The following RNF169 variants were observed in gnomAD, a reference collection of about 807,000 sequenced individuals.
RNF169 encodes the protein E3 ubiquitin-protein ligase RNF169.
Under a neutral mutation model 53.9 loss-of-function variants are expected in RNF169, and 24 were observed. The observed-to-expected ratio is 0.45, with a 90% CI of 0.32 to 0.63. The LOEUF is 0.63. RNF169 is among the 20% of genes least tolerant of loss of function. The pLI is 0.04. For synonymous variants in RNF169, 396 were observed against 363.5 expected (o/e 1.09, Z -1.02); for missense variants, 883 against 906.2 (o/e 0.97, Z 0.33).
chr11:74,773,262 T>C (rs2035285098), intron 1 of RNF169, among the ~76,000 whole-genome samples: 1 of 152,186 alleles, frequency 6.6e-6, no homozygotes, highest in African/African-American at 2.4e-5. Context: ...GTGCGATAAA[T>C]GACTTTATTG....
At chr11:74,833,567 C>T (rs898765207) in intron 4 of RNF169, among the ~76,000 whole-genome samples, 11 of 152,048 alleles carry the variant, frequency 7.2e-5, no homozygotes, top group African/African-American at 2.7e-4. Context: ...TTTTGTTGTG[C>T]CCTTTCACTG....
rs2036271845 is a variant in RNF169 at position 74,837,290 on chromosome 11, A to T, written c.*560A>T. 6.5e-6 allele frequency: 1 copy of T among 153,042 alleles called. No individual in the cohort carries two copies. The highest frequency in any genetic ancestry group is 2.4e-5 in the African/African-American group (1 of 41,466). The allele number at this position is 153,042 out of a possible 1,614,324, so 9.5% of individuals were successfully genotyped here. On this transcript the variant is annotated 3_prime_UTR_variant, in exon 6 of 6. Coordinates refer to ENST00000299563, the MANE Select transcript of RNF169 (RefSeq NM_001098638.2). ...TCTGTTTAAAAAATAATATTTGGTG[A>T]ATGCTATATAGTTGACAGAGCACAT... is the stretch of plus-strand genomic sequence containing the variant.
chr11:74,775,018 T>C (rs974613338), intron 1 of RNF169, among the ~76,000 whole-genome samples: 2 of 152,178 alleles, frequency 1.3e-5, no homozygotes, highest in African/African-American at 4.8e-5. Context: ...ATATAACATT[T>C]AGACAATTCT....
rs1336367184 is a variant in RNF169 at position 74,808,581 on chromosome 11, G to A, written c.577-1603G>A. Among the ~76,000 whole-genome samples the A allele has an allele frequency of 8.5e-5, 13 of 152,308 alleles. No individual in the cohort carries two copies. In the East Asian group the frequency reaches 1.9e-3, roughly 23 times the overall value. ...CCTATGGCAGTGTGAATTTAAACACGTTACCTAACACTTAAACCTTAGTTT... is the reference window on the plus strand; with the variant it reads ...CCTATGGCAGTGTGAATTTAAACACATTACCTAACACTTAAACCTTAGTTT... On this transcript the variant is annotated intron_variant, in intron 2 of 5. Transcript: ENST00000299563.
intron 4 of RNF169, chr11:74,830,432 C>T (rs937861230): frequency 6.6e-6 from 1 of 151,946 alleles, no homozygotes; most frequent in African/African-American, 2.4e-5. Flanking sequence ...ATGAAATGTA[C>T]CAGTTCCTAG....
intron 1 of RNF169, among the ~76,000 whole-genome samples, chr11:74,750,762 C>T (rs1026833975): frequency 6.6e-6 from 1 of 151,218 alleles, no homozygotes; most frequent in African/African-American, 2.4e-5. Context: ...CCCACCACCA[C>T]GCCCGGCTTT....
intron 1 of RNF169, among the ~76,000 whole-genome samples, chr11:74,769,820 A>G (rs1436457828): frequency 6.6e-6 from 1 of 152,164 alleles, no homozygotes; most frequent in African/African-American, 2.4e-5. Flanking sequence ...CCCCCCAACA[A>G]GGTCTCCCTC....
chr11:74,769,510 C>T (rs1243960349), intron 1 of RNF169, among the ~76,000 whole-genome samples: 1 of 152,078 alleles, frequency 6.6e-6, no homozygotes, highest in Non-Finnish European at 1.5e-5. Flanking sequence ...CTCTTGTGTA[C>T]ATATGCACAC....
rs544385277 is a variant in RNF169 at position 74,819,853 on chromosome 11, T to C, written c.842+2139T>C. On this transcript the variant is annotated intron_variant, in intron 4 of 5. Coordinates refer to ENST00000299563, the MANE Select transcript of RNF169 (RefSeq NM_001098638.2). ...AGATGCTATAAAAGAAAGATCTGTG[T>C]TCTACTTAGTAGAAATTAACCGTAG... is the stretch of plus-strand genomic sequence containing the variant. 4.6e-5 allele frequency among the ~76,000 whole-genome samples: 7 copies of C among 152,320 alleles called. No individual in the cohort carries two copies. In the South Asian group the frequency reaches 1.4e-3, roughly 32 times the overall value.
intron 4 of RNF169, chr11:74,831,927 G>GTA (rs1170806824): frequency 6.6e-6 from 1 of 152,162 alleles, no homozygotes; most frequent in Non-Finnish European, 1.5e-5. Flanking sequence ...TATGGTGCTG[G>GTA]TATAACTGGA....
rs768008373 is a variant in RNF169, at chr11:74,839,468, A to G, written c.*2738A>G. 8.5e-5 allele frequency: 13 copies of G among 152,244 alleles called. No homozygotes were observed. The highest frequency in any genetic ancestry group is 1.9e-4 in the Non-Finnish European group (13 of 68,044). 9.4% of individuals were successfully genotyped at this position (152,244 alleles called of 1,614,324 possible). ...TGATGTGTATTATTTGGGGGAACAG[A>G]AAAGGACAAGGAAGGAAACAGAACG... is the stretch of plus-strand genomic sequence containing the variant. On this transcript the variant is annotated 3_prime_UTR_variant, in exon 6 of 6. Coordinates refer to ENST00000299563, the MANE Select transcript of RNF169 (RefSeq NM_001098638.2).
intron 4 of RNF169, chr11:74,831,204 A>G (rs1313198985): frequency 6.6e-6 from 1 of 152,206 alleles, no homozygotes; most frequent in African/African-American, 2.4e-5. Flanking sequence ...AAGAAGTAAG[A>G]CTATCTCTGT....
intron 1 of RNF169, among the ~76,000 whole-genome samples, chr11:74,765,110 G>A (rs1191038886): frequency 2.6e-5 from 4 of 152,186 alleles, no homozygotes; most frequent in African/African-American, 9.7e-5. Context: ...ACAGGAGGCT[G>A]AGGCAGGAGG....
rs1317040688 is a variant in RNF169 at position 74,840,985 on chromosome 11, G to A, written c.*4255G>A. 2 of 152,020 alleles carry A rather than the reference G, an allele frequency of 1.3e-5. No homozygotes were observed. The highest frequency in any genetic ancestry group is 4.8e-5 in the African/African-American group (2 of 41,398). 9.4% of individuals were successfully genotyped at this position (152,020 alleles called of 1,614,324 possible). ...TTTTCTTCCTGATTTTTTTCAGTTA[G>A]TTAGAGTTAAATGTACCTATAGCCC... On this transcript the variant is annotated 3_prime_UTR_variant, in exon 6 of 6. Transcript: ENST00000299563.
At position 74,835,760 on chromosome 11, in the gene RNF169, T is replaced by A. The variant is rs2036244562; in HGVS notation, c.1157T>A (p.Val386Asp). The A allele has an allele frequency of 6.2e-7, 1 of 1,614,096 alleles. No individual in the cohort carries two copies. The change falls in exon 6 of 6, where the codon GTC becomes GAC. Residue 386 changes from valine (V) to aspartate (D), a missense_variant. This residue lies in a region of RNF169 where 219 missense variants were observed against 289.1 expected (regional missense o/e 0.76). Transcript: ENST00000299563. ...SEELNHFKPI[V>D]CSPCTPPKRL... ...GAACTAAACCATTTCAAGCCCATTG[T>A]CTGCTCACCATGTACTCCTCCCAAG...
chr11:74,784,619 A>G (rs1242085980), intron 1 of RNF169, among the ~76,000 whole-genome samples: 1 of 152,212 alleles, frequency 6.6e-6, no homozygotes, highest in Non-Finnish European at 1.5e-5. Context: ...AGACTTAGTG[A>G]TTGGGGTTTA....
chr11:74,764,040 G>A (rs1010596483), intron 1 of RNF169, among the ~76,000 whole-genome samples: 3 of 152,080 alleles, frequency 2.0e-5, no homozygotes, highest in Non-Finnish European at 4.4e-5. Flanking sequence ...CAGAAAAGCA[G>A]CAACAAAACC....
In RNF169 at chr11:74,798,305, C is replaced by G. The variant is rs770713690; in HGVS notation, c.576+8606C>G. 1.2e-4 allele frequency among the ~76,000 whole-genome samples: 18 copies of G among 152,312 alleles called. 1 individual carries two copies. In the Middle Eastern group the frequency reaches 0.01, roughly 86 times the overall value. ...TTCTTTTTCTCAGCACGGAACATCC[C>G]TGAGAAAGAGAATACCCACCTGGGA... On this transcript the variant is annotated intron_variant, in intron 2 of 5. Transcript: ENST00000299563.
At chr11:74,831,936 G>T (rs1364210227) in intron 4 of RNF169, 3 of 152,160 alleles carry the variant, frequency 2.0e-5, no homozygotes, top group Non-Finnish European at 4.4e-5. Flanking sequence ...GGTATAACTG[G>T]ATATCTACAT....
Sources: gnomAD v4.1 joint callset for allele counts (sites outside exome capture counted in the v4.1 genomes callset) on GRCh38, gnomAD v4.1.1 for gene constraint, gnomAD v4.1.1 regional missense constraint, MANE v1.5 for transcripts, NCBI Gene and HGNC (gene_info 2026-07-23, HGNC 2026-07-21) for gene names.